GALNT18: variants seen among roughly 807,000 people sequenced by gnomAD.
GALNT18 encodes the protein GalNAc-transferase 18.
Under a neutral mutation model 69.5 loss-of-function variants are expected in GALNT18, and 44 were observed. The ratio of observed to expected loss-of-function variants is 0.63; its 90% CI spans 0.50 to 0.81. The LOEUF is 0.81. Ranked by LOEUF, GALNT18 falls within the 40% of genes least tolerant of loss-of-function variation. GALNT18 has a pLI of 0.00. For synonymous variants in GALNT18, 364 were observed against 318.2 expected (o/e 1.14, Z -1.53); for missense variants, 715 against 810.0 (o/e 0.88, Z 1.42).
At chr11:11,412,242 T>C (rs931269640) in intron 3 of GALNT18, among the ~76,000 whole-genome samples, 2 of 152,116 alleles carry the variant, frequency 1.3e-5, no homozygotes, top group Non-Finnish European at 2.9e-5. Flanking sequence ...AATTTAAGGT[T>C]TGCATTCTCT....
At position 11,377,255 on chromosome 11, in the gene GALNT18, A is replaced by C; in HGVS notation, c.904T>G (p.Trp302Gly). 1 of 1,614,038 alleles carries C rather than the reference A, an allele frequency of 6.2e-7. No homozygotes were observed. The highest frequency in any genetic ancestry group is 8.5e-7 in the Non-Finnish European group (1 of 1,180,010). ...TTTAGGTAGCGGCACCACAGCTCCC[A>C]GTCAAAGCCCTGGGCAGCCAGCGGG... is the stretch of plus-strand genomic sequence containing the variant. ...EYPLAAQGFD[W>G]ELWCRYLNPP... Residue 302 changes from tryptophan (W) to glycine (G), a missense_variant, in exon 5 of 11, where the codon TGG becomes GGG. By Grantham distance (184) the Trp-to-Gly change is radical. Transcript: ENST00000227756. The surrounding 1 kb of genome is among the most constrained non-coding windows in gnomAD (Gnocchi z 4.6).
In GALNT18 at chr11:11,444,050, A is replaced by G. The variant is rs1418387228; in HGVS notation, c.428+4694T>C. On this transcript the variant is annotated intron_variant, in intron 2 of 10. Coordinates refer to ENST00000227756, the MANE Select transcript of GALNT18 (RefSeq NM_198516.3). The surrounding 1 kb of genome is among the most constrained non-coding windows in gnomAD (Gnocchi z 4.4). Reference sequence around the variant, plus strand: ...TATTCTGCCTATCCATGAAGCCAGGACCCCCCAAAGTTCAAAGATCCCAGA... The same window carrying G: ...TATTCTGCCTATCCATGAAGCCAGGGCCCCCCAAAGTTCAAAGATCCCAGA... Among the ~76,000 whole-genome samples the G allele has an allele frequency of 6.6e-6, 1 of 151,846 alleles. No homozygotes were observed. Among genetic ancestry groups the G allele is most frequent in the Non-Finnish European group, 1.5e-5 (1 of 67,972 alleles).
In GALNT18 at chr11:11,415,496, C is replaced by A. The variant is rs1359215710; in HGVS notation, c.595+17125G>T. 6.6e-6 allele frequency among the ~76,000 whole-genome samples: 1 copy of A among 151,974 alleles called. No homozygotes were observed. The highest frequency in any genetic ancestry group is 1.5e-5 in the Non-Finnish European group (1 of 67,990). ...TAGGTACAAGGCAGTTAAAGAAATA[C>A]ATAAGTAAAAACAAAAAGAGTCTAG... is the stretch of plus-strand genomic sequence containing the variant. On this transcript the variant is annotated intron_variant, in intron 3 of 10. Coordinates refer to ENST00000227756, the MANE Select transcript of GALNT18 (RefSeq NM_198516.3). The surrounding 1 kb of genome is among the most constrained non-coding windows in gnomAD (Gnocchi z 4.1).
At position 11,448,841 on chromosome 11, in the gene GALNT18, G is replaced by C. The variant is rs748956598; in HGVS notation, c.331C>G (p.Arg111Gly). The change falls in exon 2 of 11, where the codon CGC becomes GGC. Residue 111 changes from arginine to glycine, a missense_variant. By Grantham distance (125) the Arg-to-Gly change is moderately radical (BLOSUM62 -2). Coordinates refer to ENST00000227756, the MANE Select transcript of GALNT18 (RefSeq NM_198516.3). ...WGQELSPEGR[R>G]VALKQFQYYG... ...TACTGGAATTGCTTCAGGGCCACGC[G>C]CCGGCCTTCGGGGCTGAGCTCCTGG... The C allele has an allele frequency of 6.2e-7, 1 of 1,611,738 alleles. No homozygotes were observed. The highest frequency in any genetic ancestry group is 1.7e-5 in the Admixed American group (1 of 59,682).
intron 1 of GALNT18, among the ~76,000 whole-genome samples, chr11:11,575,879 C>G (rs79589296): frequency 6.6e-6 from 1 of 152,184 alleles, no homozygotes; most frequent in African/African-American, 2.4e-5. Context: ...CCTTTGAGGA[C>G]GAAATGCGAC....
rs769245590 is a variant in GALNT18 at position 11,481,291 on chromosome 11, TCG to T, written c.236-32357_236-32356del. Among the ~76,000 whole-genome samples the T allele has an allele frequency of 4.6e-3, 3 of 650 alleles. No individual in the cohort carries two copies. The Admixed American group carries it at 0.21, about 46-fold the overall frequency. 0.4% of individuals were successfully genotyped at this position (650 alleles called of 152,430 possible). A position where few individuals can be genotyped will look rare whatever the true frequency, so the allele number is the denominator to read the frequency against. ...TACACCTCTACATGCCCTGTGCTCC[TCG>T]CTGAGCATGAATCCCTCCTCGCTGG... On this transcript the variant is annotated intron_variant, in intron 1 of 10. Transcript: ENST00000227756.
Position 11,432,828 on chromosome 11 carries a change from G to A in GALNT18, c.429-41C>T. On this transcript the variant is annotated intron_variant, in intron 2 of 10. Coordinates refer to ENST00000227756, the MANE Select transcript of GALNT18 (RefSeq NM_198516.3). The surrounding 1 kb of genome is among the most constrained non-coding windows in gnomAD (Gnocchi z 5.8). ...AAGCGCTTAGATTTGTGACTCAGCT[G>A]GAGTCATCTCAGGAGCTGACCCAGC... The A allele has an allele frequency of 6.3e-7, 1 of 1,592,630 alleles. No individual in the cohort carries two copies. The highest frequency in any genetic ancestry group is 8.6e-7 in the Non-Finnish European group (1 of 1,164,394).
intron 1 of GALNT18, among the ~76,000 whole-genome samples, chr11:11,611,095 A>G (rs1859888712): frequency 6.6e-6 from 1 of 152,238 alleles, no homozygotes; most frequent in South Asian, 2.1e-4. Flanking sequence ...ATAAACAGAA[A>G]GAGAGATTAG....
At chr11:11,380,159 C>A (rs951004965) in intron 3 of GALNT18, among the ~76,000 whole-genome samples, 1 of 152,212 alleles carries the variant, frequency 6.6e-6, no homozygotes, top group Non-Finnish European at 1.5e-5. Flanking sequence ...CCTTAGAGGG[C>A]CTCTTCAACT....
intron 1 of GALNT18, among the ~76,000 whole-genome samples, chr11:11,519,441 C>T (rs918173395): frequency 2.6e-5 from 4 of 152,108 alleles, no homozygotes; most frequent in Admixed American, 2.6e-4. Flanking sequence ...CACGGCCACG[C>T]CCACCTGTGA....
chr11:11,384,734 C>G (rs143368223), intron 3 of GALNT18, among the ~76,000 whole-genome samples: 2 of 152,186 alleles, frequency 1.3e-5, no homozygotes, highest in Non-Finnish European at 2.9e-5. Flanking sequence ...CCCAACCATG[C>G]TGGCGCCCTG....
At chr11:11,509,673 C>A (rs1435900187) in intron 1 of GALNT18, among the ~76,000 whole-genome samples, 1 of 152,236 alleles carries the variant, frequency 6.6e-6, no homozygotes, top group Non-Finnish European at 1.5e-5. Flanking sequence ...TCTCCCTCAG[C>A]ACATCTCATC....
At chr11:11,530,865 C>A (rs1325523573) in intron 1 of GALNT18, among the ~76,000 whole-genome samples, 1 of 152,226 alleles carries the variant, frequency 6.6e-6, no homozygotes, top group Admixed American at 6.5e-5. Flanking sequence ...AAAAGTCCTA[C>A]TGAGACTAGC....
chr11:11,449,029 T>G, intron 1 of GALNT18, 93 bp from the exon 2 acceptor site: 1 of 1,077,434 alleles, frequency 9.3e-7, no homozygotes, highest in Non-Finnish European at 1.3e-6. Context: ...CAGCCTTTGG[T>G]AAAACAATCT....
intron 1 of GALNT18, among the ~76,000 whole-genome samples, chr11:11,554,126 C>T (rs1391921320): frequency 1.3e-5 from 2 of 152,222 alleles, no homozygotes; most frequent in Admixed American, 1.3e-4. Flanking sequence ...TGACTGGCGG[C>T]TTCTTCCCGA....
At chr11:11,485,751 G>A (rs917337768) in intron 1 of GALNT18, among the ~76,000 whole-genome samples, 1 of 152,278 alleles carries the variant, frequency 6.6e-6, no homozygotes, top group Admixed American at 6.5e-5. Context: ...AGAACAGGGG[G>A]CTTGCTTCTG....
At position 11,617,117 on chromosome 11, in the gene GALNT18, G is replaced by C. The variant is rs1210251576; in HGVS notation, c.235+4242C>G. Among the ~76,000 whole-genome samples, 3 of 152,172 alleles carry C rather than the reference G, an allele frequency of 2.0e-5. No homozygotes were observed. The highest frequency in any genetic ancestry group is 2.9e-5 in the Non-Finnish European group (2 of 68,026). Reference sequence around the variant, plus strand: ...AAGGAAGATGAACAGGACGCCAATTGGCAGATGCATCCCAAAGACAGAACT... The same window carrying C: ...AAGGAAGATGAACAGGACGCCAATTCGCAGATGCATCCCAAAGACAGAACT... On this transcript the variant is annotated intron_variant, in intron 1 of 10. Coordinates refer to ENST00000227756, the MANE Select transcript of GALNT18 (RefSeq NM_198516.3). The surrounding 1 kb of genome is among the most constrained non-coding windows in gnomAD (Gnocchi z 4.7).
chr11:11,377,270 CA>C lies in GALNT18; in HGVS notation c.888del (p.Ala297ProfsTer13), dbSNP rs1255626310. 1 of 1,614,056 alleles carries C rather than the reference CA, an allele frequency of 6.2e-7. No individual in the cohort carries two copies. The highest frequency in any genetic ancestry group is 1.1e-5 in the South Asian group (1 of 91,076). On this transcript the variant is annotated frameshift_variant, in exon 5 of 11. Coordinates refer to ENST00000227756, the MANE Select transcript of GALNT18 (RefSeq NM_198516.3). LOFTEE classifies it high-confidence loss of function. This position sits in a 1 kb window ranked among gnomAD's most constrained non-coding sequence, Gnocchi z 4.6. The stretch of plus-strand genomic sequence containing the variant: ...CACAGCTCCCAGTCAAAGCCCTGGG[CA>C]GCCAGCGGGTACTCTTCTATCTCAA... ...DNFEIEEYPL[A>X]AQGFDWELWC...
At chr11:11,353,091 C>G (rs747544221) in intron 6 of GALNT18, 1 of 1,614,198 alleles carries the variant, frequency 6.2e-7, no homozygotes, top group Non-Finnish European at 8.5e-7. Context: ...TGTGTAAACT[C>G]TGGCCCTGCT....
Sources: gnomAD v4.1 joint callset for allele counts (sites outside exome capture counted in the v4.1 genomes callset) on GRCh38, gnomAD v4.1.1 for gene constraint, Gnocchi (gnomAD v3.1) non-coding constraint, MANE v1.5 for transcripts, NCBI Gene and HGNC (gene_info 2026-07-23, HGNC 2026-07-21) for gene names.